GSK3B: variants seen among roughly 807,000 people sequenced by gnomAD.
GSK3B encodes glycogen synthase kinase-3 beta.
A neutral mutation model predicts 56.4 loss-of-function variants in GSK3B; 15 were observed. The ratio of observed to expected loss-of-function variants is 0.27; its 90% confidence interval spans 0.18 to 0.41. GSK3B has a LOEUF of 0.41. Among genes scored for constraint, GSK3B ranks in the 10% least tolerant of loss-of-function variants. The pLI, the probability that GSK3B is intolerant of heterozygous loss-of-function variation, is 1.00. For missense variants in GSK3B, 300 were observed against 513.4 expected (o/e 0.58, Z 4.02); for synonymous variants, 181 against 188.9 (o/e 0.96, Z 0.34).
intron 1 of GSK3B, among the ~76,000 whole-genome samples, chr3:120,072,682 A>T (rs923435828): frequency 6.6e-6 from 1 of 152,246 alleles, no homozygotes; most frequent in Non-Finnish European, 1.5e-5. Context: ...TCTATATTTA[A>T]GATTCAAAGT....
At chr3:120,061,668 C>G (rs1206263876) in intron 1 of GSK3B, among the ~76,000 whole-genome samples, 1 of 152,078 alleles carries the variant, frequency 6.6e-6, no homozygotes, top group Non-Finnish European at 1.5e-5. Flanking sequence ...CTTAAAAGTC[C>G]TAGAAGCAGA....
chr3:120,090,805 A>G (rs574882794), intron 1 of GSK3B, among the ~76,000 whole-genome samples: 1 of 152,150 alleles, frequency 6.6e-6, no homozygotes, highest in Non-Finnish European at 1.5e-5. Flanking sequence ...CTGAATCTCA[A>G]TCAAACTTGT....
At chr3:119,953,160 A>G (rs2057174747) in intron 2 of GSK3B, among the ~76,000 whole-genome samples, 2 of 152,342 alleles carry the variant, frequency 1.3e-5, no homozygotes, top group Middle Eastern at 3.4e-3. Context: ...ATTGGAATGT[A>G]AACTGTAATT....
chr3:120,047,131 T>C (rs188242927), intron 1 of GSK3B, among the ~76,000 whole-genome samples: 5 of 152,322 alleles, frequency 3.3e-5, no homozygotes, highest in Admixed American at 2.6e-4. Context: ...CTTTTCACGA[T>C]AGGCAAACAG....
chr3:120,054,095 A>G (rs562007754), intron 1 of GSK3B, among the ~76,000 whole-genome samples: 50 of 152,372 alleles, frequency 3.3e-4, no homozygotes, highest in South Asian at 1.0e-3. Flanking sequence ...AGGTATCAAA[A>G]AAGATATTCA....
chr3:119,856,282 C>T (rs190577116), intron 9 of GSK3B, among the ~76,000 whole-genome samples: 19 of 152,316 alleles, frequency 1.2e-4, no homozygotes, highest in African/African-American at 4.3e-4. Context: ...TTACTCTTTG[C>T]TCCTGCAATG....
intron 2 of GSK3B, among the ~76,000 whole-genome samples, chr3:119,951,239 T>C (rs2057153606): frequency 6.6e-6 from 1 of 152,138 alleles, no homozygotes; most frequent in Admixed American, 6.5e-5. Context: ...TGTCAGAATT[T>C]TGAATATACT....
intron 3 of GSK3B, among the ~76,000 whole-genome samples, chr3:119,935,323 G>T (rs2056983397): frequency 6.6e-6 from 1 of 151,990 alleles, no homozygotes; most frequent in African/African-American, 2.4e-5. Flanking sequence ...TCATAATATA[G>T]TAAGATAAAG....
chr3:119,993,874 A>G (rs9879992), intron 2 of GSK3B, among the ~76,000 whole-genome samples: 42,053 of 152,118 alleles, frequency 0.28, 7,511 homozygotes, highest in African/African-American at 0.51. Flanking sequence ...GCTTTCGCTG[A>G]CCAAATCTGA....
At chr3:119,873,461 T>G (rs1221918973) in intron 8 of GSK3B, among the ~76,000 whole-genome samples, 1 of 151,842 alleles carries the variant, frequency 6.6e-6, no homozygotes, top group Non-Finnish European at 1.5e-5. Flanking sequence ...GCAACAAAGG[T>G]AAAGTGGTTC....
At chr3:119,921,357 C>A (rs1422059655) in intron 4 of GSK3B, among the ~76,000 whole-genome samples, 2 of 152,104 alleles carry the variant, frequency 1.3e-5, no homozygotes, top group Admixed American at 6.5e-5. Context: ...CATTTTGTAA[C>A]CTTTAATGAA....
chr3:119,969,831 A>C (rs749975088), intron 2 of GSK3B, among the ~76,000 whole-genome samples: 1 of 152,224 alleles, frequency 6.6e-6, no homozygotes, highest in Non-Finnish European at 1.5e-5. Flanking sequence ...ACAGTCCAAA[A>C]ATAATAAATG....
chr3:119,987,348 A>G (rs909015061), intron 2 of GSK3B, among the ~76,000 whole-genome samples: 29 of 152,206 alleles, frequency 1.9e-4, no homozygotes, highest in African/African-American at 7.0e-4. Flanking sequence ...ATGGTGTAAC[A>G]TGTATTTAAA....
Position 120,077,819 on chromosome 3 carries a change from G to GT in GSK3B, c.88+15527dup, listed in dbSNP as rs536666208. Among the ~76,000 whole-genome samples, 3 of 151,652 alleles carry GT rather than the reference G, an allele frequency of 2.0e-5. No individual in the cohort carries two copies. In the South Asian group the frequency reaches 6.2e-4, roughly 32 times the overall value. On this transcript the variant is annotated intron_variant, in intron 1 of 10. Coordinates refer to ENST00000264235, the MANE Select transcript of GSK3B (RefSeq NM_001146156.2). ...TTGCTTACTATTGTACAATGACATG[G>GT]TAAGTACTCAAAAAATTTTCTTCCT...
chr3:119,998,656 TAAA>T (rs2057647308), intron 2 of GSK3B, among the ~76,000 whole-genome samples: 1 of 152,092 alleles, frequency 6.6e-6, no homozygotes, highest in Non-Finnish European at 1.5e-5. Context: ...TGTTGTAAAT[TAAA>T]ATAATTTTTC....
intron 7 of GSK3B, among the ~76,000 whole-genome samples, chr3:119,878,254 T>A (rs1395727543): frequency 6.6e-6 from 1 of 152,094 alleles, no homozygotes; most frequent in Non-Finnish European, 1.5e-5. Flanking sequence ...TTACAATATA[T>A]AAAGAACTCT....
chr3:120,038,425 G>A (rs1173154850), intron 1 of GSK3B, among the ~76,000 whole-genome samples: 1 of 152,104 alleles, frequency 6.6e-6, no homozygotes, highest in Non-Finnish European at 1.5e-5. Context: ...CTACGCGGGA[G>A]GCTGAGATGG....
At chr3:120,016,878 T>C (rs2057832382) in intron 1 of GSK3B, among the ~76,000 whole-genome samples, 2 of 152,224 alleles carry the variant, frequency 1.3e-5, no homozygotes, top group Non-Finnish European at 2.9e-5. Context: ...TGAACTGGAA[T>C]AAAATCAAAC....
At chr3:119,893,241 C>T (rs2056524269) in intron 7 of GSK3B, among the ~76,000 whole-genome samples, 1 of 152,044 alleles carries the variant, frequency 6.6e-6, no homozygotes, top group African/African-American at 2.4e-5. Flanking sequence ...TCAAGTGATC[C>T]ACCCATCTCA....
Sources: gnomAD v4.1 joint callset for allele counts (sites outside exome capture counted in the v4.1 genomes callset) on GRCh38, gnomAD v4.1.1 for gene constraint, MANE v1.5 for transcripts, NCBI Gene and HGNC (gene_info 2026-07-23, HGNC 2026-07-21) for gene names.